Variants in CUBN observed in about 807,000 individuals in gnomAD.
The protein encoded by CUBN is cubilin, also known as 460 kDa receptor.
Under a neutral mutation model 405.3 loss-of-function variants are expected in CUBN, and 282 were observed. That is an observed-to-expected ratio of 0.70 (90% confidence interval 0.63 to 0.77). The LOEUF (loss-of-function observed/expected upper bound fraction) is 0.77, where lower values mean the gene tolerates loss of function less well. Among genes scored for constraint, CUBN ranks in the 30% least tolerant of loss-of-function variants. The pLI is 0.00. For synonymous variants in CUBN, 1,684 were observed against 1,617.0 expected (o/e 1.04, Z -0.99); for missense variants, 4,514 against 4,475.2 (o/e 1.01, Z -0.25).
In CUBN at chr10:16,823,980, A is replaced by G. The variant is rs961630749; in HGVS notation, c.*995T>C. ...ATGCAGCATAATTGTGTACAATTCAATAATGTTTATTATGTGTAATTGAAC... is the reference window on the plus strand; with the variant it reads ...ATGCAGCATAATTGTGTACAATTCAGTAATGTTTATTATGTGTAATTGAAC... On this transcript the variant is annotated 3_prime_UTR_variant, in exon 67 of 67. Coordinates refer to ENST00000377833, the MANE Select transcript of CUBN (RefSeq NM_001081.4). The G allele has an allele frequency of 6.6e-6, 1 of 152,242 alleles. No individual in the cohort carries two copies. The highest frequency in any genetic ancestry group is 1.9e-4 in the East Asian group (1 of 5,204). The allele number at this position is 152,242 out of a possible 1,614,324, so 9.4% of individuals were successfully genotyped here.
chr10:17,068,000 C>A (rs1472896321), intron 21 of CUBN, 64 bp downstream of exon 21: 16 of 1,324,970 alleles, frequency 1.2e-5, no homozygotes, highest in South Asian at 2.4e-5. Flanking sequence ...ATTTTAAGAT[C>A]CTTCACTGAA....
chr10:16,945,767 CAAAAAAAAAAAAA>C (rs61141075), intron 36 of CUBN, among the ~76,000 whole-genome samples: 7 of 81,388 alleles, frequency 8.6e-5, no homozygotes, highest in Non-Finnish European at 1.5e-4. Flanking sequence ...ACTGTGTCTC[CAAAAAAAAAAAAA>C]AAAAAAAAAA....
chr10:17,092,734 C>T (rs1403312195), intron 14 of CUBN, among the ~76,000 whole-genome samples: 1 of 152,138 alleles, frequency 6.6e-6, no homozygotes, highest in Non-Finnish European at 1.5e-5. Flanking sequence ...CCCTCAGTTC[C>T]AGGAATTGCC....
At chr10:16,879,555 C>T (rs1430665953) in intron 56 of CUBN, among the ~76,000 whole-genome samples, 1 of 152,190 alleles carries the variant, frequency 6.6e-6, no homozygotes, top group Non-Finnish European at 1.5e-5. Flanking sequence ...TGTTAGAATA[C>T]TCTTCCTACA....
At chr10:17,023,628 G>T in intron 27 of CUBN, 1 of 455,960 alleles carries the variant, frequency 2.2e-6, no homozygotes. Context: ...CGTTCCAGCT[G>T]TGACTCATTG....
intron 60 of CUBN, among the ~76,000 whole-genome samples, chr10:16,844,707 G>T (rs1839461290): frequency 6.6e-6 from 1 of 152,188 alleles, no homozygotes; most frequent in Non-Finnish European, 1.5e-5. Flanking sequence ...GACATAGGAG[G>T]CTCTAAACTC....
In CUBN at chr10:16,826,045, C is replaced by T. The variant is rs553448060; in HGVS notation, c.10765-963G>A. On this transcript the variant is annotated intron_variant, in intron 66 of 66. Transcript: ENST00000377833. ...TTTGACAAACTAGTATGTCAACAGA[C>T]GGTCAACAGAAGTTTTAGAATCTCC... Among the ~76,000 whole-genome samples the T allele has an allele frequency of 1.8e-4, 27 of 152,268 alleles. No homozygotes were observed. In the South Asian group the frequency reaches 2.1e-3, roughly 12 times the overall value.
intron 28 of CUBN, among the ~76,000 whole-genome samples, chr10:17,009,550 G>A (rs1180981568): frequency 6.6e-6 from 1 of 152,206 alleles, no homozygotes; most frequent in Non-Finnish European, 1.5e-5. Flanking sequence ...AGCCTGGAGG[G>A]GAGAGGAAGC....
intron 4 of CUBN, among the ~76,000 whole-genome samples, chr10:17,125,430 G>A (rs1420014001): frequency 6.6e-6 from 1 of 152,056 alleles, no homozygotes; most frequent in Admixed American, 6.6e-5. Context: ...CACGTCTGGG[G>A]GTCTCTTTAT....
chr10:16,963,196 C>CTTTTTTTTTTTTTT (rs200023246), intron 31 of CUBN, among the ~76,000 whole-genome samples: 4 of 84,024 alleles, frequency 4.8e-5, no homozygotes, highest in African/African-American at 8.1e-5. Flanking sequence ...TCTTTTTTTT[C>CTTTTTTTTTTTTTT]TTTTTTTTTT....
At chr10:17,129,568 T>C in intron 1 of CUBN, 76 bp downstream of exon 1, 3 of 1,598,234 alleles carry the variant, frequency 1.9e-6, no homozygotes, top group Non-Finnish European at 2.6e-6. Flanking sequence ...TGCACCTTTG[T>C]TTATCTGGCT....
intron 17 of CUBN, among the ~76,000 whole-genome samples, chr10:17,079,707 A>G (rs1321395400): frequency 1.3e-5 from 2 of 152,076 alleles, no homozygotes; most frequent in African/African-American, 2.4e-5. Flanking sequence ...TTTTTCTGAC[A>G]TTTAGGTGTG....
At chr10:16,959,419 G>A (rs1184178511) in intron 31 of CUBN, among the ~76,000 whole-genome samples, 1 of 151,954 alleles carries the variant, frequency 6.6e-6, no homozygotes, top group Admixed American at 6.6e-5. Context: ...ACCTGAAGTC[G>A]GGAGTTCAAG....
At chr10:17,104,839 C>T (rs1231743518) in intron 11 of CUBN, among the ~76,000 whole-genome samples, 22 of 141,018 alleles carry the variant, frequency 1.6e-4, no homozygotes, top group Non-Finnish European at 2.6e-4. Context: ...GATGGAGTCT[C>T]GCTCTGTCGG....
At chr10:16,886,019 A>T (rs1166303863) in intron 56 of CUBN, among the ~76,000 whole-genome samples, 1 of 152,224 alleles carries the variant, frequency 6.6e-6, no homozygotes, top group Non-Finnish European at 1.5e-5. Context: ...AGAAAATTGG[A>T]TCATCTTATA....
chr10:17,116,759 G>A (rs1464108534), intron 6 of CUBN, among the ~76,000 whole-genome samples: 1 of 152,190 alleles, frequency 6.6e-6, no homozygotes, highest in East Asian at 1.9e-4. Context: ...GTGGGCCCCA[G>A]AACCAATTGC....
intron 14 of CUBN, among the ~76,000 whole-genome samples, chr10:17,095,838 A>G (rs1349230829): frequency 1.6e-4 from 25 of 152,148 alleles, no homozygotes; most frequent in Non-Finnish European, 1.5e-4. Flanking sequence ...CATTCACCAT[A>G]GCCAAGATAT....
At chr10:16,968,311 G>T (rs1843458532) in intron 31 of CUBN, among the ~76,000 whole-genome samples, 1 of 151,588 alleles carries the variant, frequency 6.6e-6, no homozygotes, top group Non-Finnish European at 1.5e-5. Context: ...GCTTTGGGTG[G>T]GAGCACAGGG....
At chr10:16,867,885 G>C in intron 59 of CUBN, among the ~76,000 whole-genome samples, 1 of 152,156 alleles carries the variant, frequency 6.6e-6, no homozygotes, top group East Asian at 1.9e-4. Flanking sequence ...GCTTCATGCA[G>C]ATGATAGCAG....
Sources: gnomAD v4.1 joint callset for allele counts (sites outside exome capture counted in the v4.1 genomes callset) on GRCh38, gnomAD v4.1.1 for gene constraint, MANE v1.5 for transcripts, NCBI Gene and HGNC (gene_info 2026-07-23, HGNC 2026-07-21) for gene names.